GUCY1A2: variants seen among roughly 807,000 people sequenced by gnomAD.
The protein encoded by GUCY1A2 is guanylate cyclase soluble subunit alpha-2.
GUCY1A2 carries 27 observed loss-of-function variants against 63.5 expected under a neutral mutation model. The ratio of observed to expected loss-of-function variants is 0.43; its 90% CI spans 0.31 to 0.59. The LOEUF (loss-of-function observed/expected upper bound fraction) is 0.59. Ranked by LOEUF, GUCY1A2 falls within the 20% of genes least tolerant of loss-of-function variation. GUCY1A2 has a pLI of 0.11. For missense variants in GUCY1A2, 768 were observed against 913.3 expected (o/e 0.84, Z 2.05); for synonymous variants, 364 against 343.5 (o/e 1.06, Z -0.66).
At position 106,810,054 on chromosome 11, in the gene GUCY1A2, C is replaced by T; in HGVS notation, c.1631G>A (p.Ser544Asn). The T allele has an allele frequency of 1.9e-6, 3 of 1,612,420 alleles. No homozygotes were observed. Among genetic ancestry groups the T allele is most frequent in the Non-Finnish European group, 2.5e-6 (3 of 1,178,500 alleles). Residue 544 changes from serine to asparagine, a missense_variant, in exon 5 of 8, where the codon AGC becomes AAC. Physicochemically the swap from Ser to Asn is conservative, Grantham distance 46. This residue lies in a region of GUCY1A2 where 122 missense variants were observed against 238.1 expected (regional missense o/e 0.51). Transcript: ENST00000526355. ...CAQCTPMQVI[S>N]MLNELYTRFD... The stretch of plus-strand genomic sequence containing the variant: ...TCTGGTGTACAGTTCATTCAGCATG[C>T]TGATTACTTGCATGGGAGTACACTG...
intron 3 of GUCY1A2, among the ~76,000 whole-genome samples, chr11:106,967,937 G>A (rs1861147042): frequency 1.3e-5 from 2 of 152,312 alleles, no homozygotes; most frequent in African/African-American, 2.4e-5. Flanking sequence ...CTAAAGTCCT[G>A]AAGAGAAGTA....
chr11:106,704,099 C>T (rs369666663), intron 7 of GUCY1A2, among the ~76,000 whole-genome samples: 10 of 152,168 alleles, frequency 6.6e-5, no homozygotes, highest in African/African-American at 2.2e-4. Flanking sequence ...TCAAAATGCA[C>T]CTTTGACCAA....
chr11:106,893,831 C>T lies in GUCY1A2; in HGVS notation c.1206+45629G>A, dbSNP rs570856933. On this transcript the variant is annotated intron_variant, in intron 4 of 7. Transcript: ENST00000526355. ...TTACAAATTACTGGAGGCTCGGTGT[C>T]GACAAGTCTGAGAGACTAAAAACTC... 5.9e-5 allele frequency among the ~76,000 whole-genome samples: 9 copies of T among 152,050 alleles called. No homozygotes were observed. The East Asian group carries it at 9.7e-4, about 16-fold the overall frequency.
rs542271841 is a variant in GUCY1A2, at chr11:106,976,318, C to A, written c.487+2301G>T. Among the ~76,000 whole-genome samples the A allele has an allele frequency of 5.9e-5, 9 of 152,162 alleles. No homozygotes were observed. The South Asian group carries it at 1.2e-3, about 21-fold the overall frequency. On this transcript the variant is annotated intron_variant, in intron 3 of 7. Coordinates refer to ENST00000526355, the MANE Select transcript of GUCY1A2 (RefSeq NM_000855.3). ...GTTGAAATGTTGTTTTCCTGTGCCA[C>A]CCCCCAACAACCTCCCAAAAAACAA...
intron 3 of GUCY1A2, among the ~76,000 whole-genome samples, chr11:106,965,649 T>G (rs1342320948): frequency 1.3e-5 from 2 of 152,180 alleles, no homozygotes; most frequent in Non-Finnish European, 1.5e-5. Flanking sequence ...CATTAGCTTC[T>G]ATGCTGACAG....
chr11:106,964,444 T>A (rs1490246165), intron 3 of GUCY1A2, among the ~76,000 whole-genome samples: 2 of 152,098 alleles, frequency 1.3e-5, no homozygotes, highest in Non-Finnish European at 2.9e-5. Context: ...GACCACTAGG[T>A]ACCTACATTC....
At chr11:106,989,166 A>C (rs1011165077) in intron 1 of GUCY1A2, among the ~76,000 whole-genome samples, 1 of 152,186 alleles carries the variant, frequency 6.6e-6, no homozygotes, top group African/African-American at 2.4e-5. Context: ...CCAACATTCT[A>C]CAGGCCAAGA....
At chr11:106,690,594 T>G (rs1862605747) in intron 7 of GUCY1A2, among the ~76,000 whole-genome samples, 1 of 152,080 alleles carries the variant, frequency 6.6e-6, no homozygotes, top group Non-Finnish European at 1.5e-5. Flanking sequence ...CTTAATACCT[T>G]GGTGATAAAA....
chr11:106,728,214 C>T (rs1395218966), intron 6 of GUCY1A2, among the ~76,000 whole-genome samples: 1 of 152,138 alleles, frequency 6.6e-6, no homozygotes, highest in African/African-American at 2.4e-5. Flanking sequence ...AATTACCTAA[C>T]AATTTCCTAT....
At chr11:106,866,048 G>T (rs896915572) in intron 4 of GUCY1A2, among the ~76,000 whole-genome samples, 1 of 151,784 alleles carries the variant, frequency 6.6e-6, no homozygotes, top group Non-Finnish European at 1.5e-5. Context: ...ATGTGTTAAG[G>T]CTTATAATAT....
chr11:106,989,694 GT>G (rs776770014), intron 1 of GUCY1A2, among the ~76,000 whole-genome samples: 348 of 152,250 alleles, frequency 2.3e-3, no homozygotes, highest in Non-Finnish European at 4.2e-3. Flanking sequence ...ATTATGAGAA[GT>G]TGACACCAAT....
At chr11:106,900,630 T>C (rs1860119117) in intron 4 of GUCY1A2, among the ~76,000 whole-genome samples, 1 of 152,208 alleles carries the variant, frequency 6.6e-6, no homozygotes, top group African/African-American at 2.4e-5. Flanking sequence ...CTATCTTCTA[T>C]ATATCCAGTT....
At position 106,715,403 on chromosome 11, in the gene GUCY1A2, C is replaced by T. The variant is rs1206121474; in HGVS notation, c.1837-6737G>A. On this transcript the variant is annotated intron_variant, in intron 6 of 7. Coordinates refer to ENST00000526355, the MANE Select transcript of GUCY1A2 (RefSeq NM_000855.3). Reference sequence around the variant, plus strand: ...GAAAACAGTACATTAGTGTTAGGCTCAGCTCTAGATCTTAGTTCACTTGGC... The same window carrying T: ...GAAAACAGTACATTAGTGTTAGGCTTAGCTCTAGATCTTAGTTCACTTGGC... Among the ~76,000 whole-genome samples the T allele has an allele frequency of 6.6e-5, 10 of 152,214 alleles. No homozygotes were observed. In the East Asian group the frequency reaches 1.5e-3, roughly 24 times the overall value.
chr11:106,997,016 T>G (rs900852800), intron 1 of GUCY1A2, among the ~76,000 whole-genome samples: 1 of 152,146 alleles, frequency 6.6e-6, no homozygotes, highest in African/African-American at 2.4e-5. Context: ...GAAAAAAAAT[T>G]CATGCAGGCA....
intron 4 of GUCY1A2, among the ~76,000 whole-genome samples, chr11:106,833,634 GT>G (rs1411534874): frequency 6.6e-6 from 1 of 151,958 alleles, no homozygotes; most frequent in Non-Finnish European, 1.5e-5. Context: ...TCCTTGCTAT[GT>G]TTTCTACCAT....
intron 1 of GUCY1A2, among the ~76,000 whole-genome samples, chr11:106,998,806 AAC>A (rs1555059418): frequency 1.1e-3 from 170 of 152,300 alleles, no homozygotes; most frequent in Admixed American, 2.7e-3. Context: ...TTAAAAAAAA[AAC>A]AGTTTATAAT....
Position 106,729,402 on chromosome 11 carries a change from T to A in GUCY1A2, c.1837-20736A>T, listed in dbSNP as rs183823141. On this transcript the variant is annotated intron_variant, in intron 6 of 7. Transcript: ENST00000526355. ...TGAATGACTAAAATATGTTTTTTTT[T>A]AAATTTCTGTGGGCTGGGTGTGTGA... Among the ~76,000 whole-genome samples the A allele has an allele frequency of 1.4e-3, 216 of 152,266 alleles. 1 individual carries two copies. Among genetic ancestry groups the A allele is most frequent in the Middle Eastern group, 6.8e-3 (2 of 294 alleles).
At chr11:106,988,226 C>T (rs779038599) in intron 1 of GUCY1A2, among the ~76,000 whole-genome samples, 1 of 152,192 alleles carries the variant, frequency 6.6e-6, no homozygotes, top group Non-Finnish European at 1.5e-5. Flanking sequence ...AGTCCATGAC[C>T]AATCTAAATC....
intron 5 of GUCY1A2, among the ~76,000 whole-genome samples, chr11:106,779,756 G>T (rs566407199): frequency 6.6e-6 from 1 of 152,308 alleles, no homozygotes; most frequent in South Asian, 2.1e-4. Context: ...CTCCTTAGGA[G>T]TATGTACTCT....
Sources: gnomAD v4.1 joint callset for allele counts (sites outside exome capture counted in the v4.1 genomes callset) on GRCh38, gnomAD v4.1.1 for gene constraint, gnomAD v4.1.1 regional missense constraint, MANE v1.5 for transcripts, NCBI Gene and HGNC (gene_info 2026-07-23, HGNC 2026-07-21) for gene names.